ARHGAP24: variants seen among roughly 807,000 people sequenced by gnomAD.
ARHGAP24 encodes the protein Rho GTPase activating protein 24.
In ARHGAP24, 50 loss-of-function variants were observed where a neutral mutation model predicts 76.4. The ratio of observed to expected loss-of-function variants is 0.65; its 90% confidence interval spans 0.52 to 0.83. The LOEUF is 0.83. ARHGAP24 is among the 40% of genes least tolerant of loss of function. The pLI is 0.00. For synonymous variants in ARHGAP24, 345 were observed against 323.3 expected, an observed-to-expected ratio of 1.07 and a Z score of -0.72; for missense variants, 930 against 914.2, an observed-to-expected ratio of 1.02 and a Z score of -0.22.
intron 2 of ARHGAP24, among the ~76,000 whole-genome samples, chr4:85,676,395 A>G (rs1176584347): frequency 8.5e-5 from 13 of 152,176 alleles, no homozygotes; most frequent in Non-Finnish European, 1.8e-4. Context: ...TAAATGGGGC[A>G]AACTCTGATT....
chr4:85,503,035 T>C (rs141697660), intron 1 of ARHGAP24, among the ~76,000 whole-genome samples: 1,767 of 152,352 alleles, frequency 0.012, 14 homozygotes, highest in Non-Finnish European at 0.018. Flanking sequence ...GATTTGCATA[T>C]GTTGAACCAG....
intron 8 of ARHGAP24, among the ~76,000 whole-genome samples, chr4:85,984,477 G>A (rs898929186): frequency 1.1e-4 from 17 of 152,184 alleles, no homozygotes; most frequent in African/African-American, 3.4e-4. Context: ...TTTTATGCTC[G>A]TACTAATCTA....
chr4:85,715,221 A>G (rs1691033341), intron 2 of ARHGAP24, among the ~76,000 whole-genome samples: 2 of 152,096 alleles, frequency 1.3e-5, no homozygotes, highest in Non-Finnish European at 2.9e-5. Flanking sequence ...TAACTATTCT[A>G]GCCTTGCAAA....
At chr4:85,774,096 C>T (rs1455302390) in intron 3 of ARHGAP24, among the ~76,000 whole-genome samples, 1 of 152,144 alleles carries the variant, frequency 6.6e-6, no homozygotes, top group Non-Finnish European at 1.5e-5. Context: ...CTCTTCCTAA[C>T]AAAGAATCAC....
At position 86,002,138 on chromosome 4, in the gene ARHGAP24, A is replaced by C. The variant is rs1741056207; in HGVS notation, c.*1416A>C. On this transcript the variant is annotated 3_prime_UTR_variant, in exon 10 of 10. Coordinates refer to ENST00000395184, the MANE Select transcript of ARHGAP24 (RefSeq NM_001025616.3). ...TAGAACAAAAAGTTACAAAAGGCAT[A>C]ATCGGAAATAGAGACTACATACTTG... 1 of 152,210 alleles carries C rather than the reference A, an allele frequency of 6.6e-6. No homozygotes were observed. Among genetic ancestry groups the C allele is most frequent in the Non-Finnish European group, 1.5e-5 (1 of 68,048 alleles). 9.4% of individuals were successfully genotyped at this position (152,210 alleles called of 1,614,324 possible). A position where few individuals can be genotyped will look rare whatever the true frequency, so the allele number is the denominator to read the frequency against.
intron 3 of ARHGAP24, among the ~76,000 whole-genome samples, chr4:85,826,022 A>G (rs1368003497): frequency 6.6e-6 from 1 of 152,184 alleles, no homozygotes; most frequent in Non-Finnish European, 1.5e-5. Context: ...TCCTAGGATT[A>G]TTATGAGAGC....
chr4:85,631,759 G>T (rs904296620), intron 2 of ARHGAP24, among the ~76,000 whole-genome samples: 9 of 151,856 alleles, frequency 5.9e-5, no homozygotes, highest in African/African-American at 2.2e-4. Flanking sequence ...AACAGTCTGG[G>T]TGAGTGAAAA....
intron 5 of ARHGAP24, among the ~76,000 whole-genome samples, chr4:85,950,565 T>G (rs1423648653): frequency 2.0e-5 from 3 of 152,144 alleles, no homozygotes; most frequent in Non-Finnish European, 2.9e-5. Context: ...ATGCAGTGAA[T>G]GATGATGAAT....
At chr4:85,963,029 T>G (rs1414869718) in intron 5 of ARHGAP24, among the ~76,000 whole-genome samples, 1 of 152,062 alleles carries the variant, frequency 6.6e-6, no homozygotes, top group African/African-American at 2.4e-5. Flanking sequence ...CATTTATGTG[T>G]GTGTAATATG....
At chr4:85,943,541 T>C (rs958497410) in intron 5 of ARHGAP24, among the ~76,000 whole-genome samples, 1 of 152,066 alleles carries the variant, frequency 6.6e-6, no homozygotes, top group African/African-American at 2.4e-5. Flanking sequence ...ACACGTGCCA[T>C]GGTGGTTTGC....
intron 3 of ARHGAP24, among the ~76,000 whole-genome samples, chr4:85,910,852 C>A (rs935504638): frequency 8.5e-5 from 13 of 152,084 alleles, no homozygotes; most frequent in Admixed American, 6.5e-5. Flanking sequence ...GGCTACCTGG[C>A]CCCCAGCCTT....
chr4:85,747,676 C>T (rs1007406315), intron 3 of ARHGAP24, among the ~76,000 whole-genome samples: 8 of 151,800 alleles, frequency 5.3e-5, no homozygotes, highest in African/African-American at 1.7e-4. Flanking sequence ...GCACTCCAGC[C>T]TGGGCTACAG....
In ARHGAP24 at chr4:85,514,688, A is replaced by G. The variant is rs373183448; in HGVS notation, c.-21+39129A>G. On this transcript the variant is annotated intron_variant, in intron 1 of 9. Transcript: ENST00000395184. ...GCCACCTTTGTTCTGACTTTCCAAG[A>G]AAGCCCTTGATGAAGCTTATCTAAA... Among the ~76,000 whole-genome samples, 17 of 152,056 alleles carry G rather than the reference A, an allele frequency of 1.1e-4. No homozygotes were observed. The East Asian group carries it at 2.9e-3, about 26-fold the overall frequency.
intron 2 of ARHGAP24, among the ~76,000 whole-genome samples, chr4:85,667,465 C>T (rs1722675666): frequency 6.6e-6 from 1 of 152,184 alleles, no homozygotes; most frequent in South Asian, 2.1e-4. Context: ...GGAGGCAATG[C>T]CTTGGCCTGC....
At chr4:85,655,736 C>G (rs931818605) in intron 2 of ARHGAP24, among the ~76,000 whole-genome samples, 5 of 144,438 alleles carry the variant, frequency 3.5e-5, no homozygotes, top group Admixed American at 7.0e-5. Context: ...TGCACTACTA[C>G]ACTCCAGCCT....
chr4:85,570,409 TCTTTCTTTCCTCTCTCTCTCTC>T lies in ARHGAP24; in HGVS notation c.-20-112_-20-91del. 19 of 376,394 alleles carry T rather than the reference TCTTTCTTTCCTCTCTCTCTCTC, an allele frequency of 5.0e-5. No homozygotes were observed. The South Asian group carries it at 5.7e-4, about 11-fold the overall frequency. The allele number at this position is 376,394 out of a possible 1,614,324, so 23.3% of individuals were successfully genotyped here. On this transcript the variant is annotated intron_variant, in intron 1 of 9. Transcript: ENST00000395184. ...TTCTTTCTTTCTTTCTTTCTTTCTT[TCTTTCTTTCCTCTCTCTCTCTC>T]TTTTTTTTTTTCTGGAGAAGAGTGG...
intron 1 of ARHGAP24, among the ~76,000 whole-genome samples, chr4:85,485,214 G>C (rs1011873382): frequency 2.0e-5 from 3 of 149,874 alleles, no homozygotes; most frequent in African/African-American, 7.4e-5. Context: ...TGGGCTTGGT[G>C]GTGGGCGCCT....
intron 3 of ARHGAP24, among the ~76,000 whole-genome samples, chr4:85,760,277 A>T (rs1726686049): frequency 6.6e-6 from 1 of 152,208 alleles, no homozygotes; most frequent in Non-Finnish European, 1.5e-5. Context: ...CTAAAATATT[A>T]TTCAGTGTTC....
At chr4:85,829,461 G>T (rs1729881010) in intron 3 of ARHGAP24, among the ~76,000 whole-genome samples, 1 of 152,170 alleles carries the variant, frequency 6.6e-6, no homozygotes, top group African/African-American at 2.4e-5. Flanking sequence ...CTCTCTTCAT[G>T]GTTCCTTGCT....
Sources: allele counts gnomAD v4.1 joint callset (sites outside exome capture counted in the v4.1 genomes callset), GRCh38; gene constraint gnomAD v4.1.1; transcripts MANE v1.5; gene names NCBI Gene and HGNC (gene_info 2026-07-23, HGNC 2026-07-21).